Variants in COL1A2 observed in about 807,000 individuals in gnomAD.
COL1A2 encodes the protein collagen alpha-2(I) chain.
COL1A2 carries 49 observed loss-of-function variants against 174.3 expected under a neutral mutation model. The observed-to-expected ratio is 0.28, with a 90% CI of 0.22 to 0.36. The LOEUF (loss-of-function observed/expected upper bound fraction) is 0.36, where lower values mean the gene tolerates loss of function less well. Ranked by LOEUF, COL1A2 falls within the 10% of genes least tolerant of loss-of-function variation. The pLI is 1.00. For synonymous variants in COL1A2, 655 were observed against 606.6 expected (o/e 1.08, Z -1.17); for missense variants, 1,438 against 1,822.7 (o/e 0.79, Z 3.84).
intron 21 of COL1A2, 128 bp downstream of exon 21, chr7:94,410,655 T>A: frequency 1.1e-6 from 1 of 939,966 alleles, no homozygotes; most frequent in Non-Finnish European, 1.7e-6. Flanking sequence ...TCCATCTGCC[T>A]TATTAAATCA....
At position 94,427,834 on chromosome 7, in the gene COL1A2, C is replaced by A. The variant is rs1792314464; in HGVS notation, c.3475C>A (p.Pro1159Thr). 1 of 1,614,024 alleles carries A rather than the reference C, an allele frequency of 6.2e-7. No homozygotes were observed. Among genetic ancestry groups the A allele is most frequent in the Non-Finnish European group, 8.5e-7 (1 of 1,180,024 alleles). Residue 1159 changes from proline (P) to threonine (T), a missense_variant, in exon 49 of 52, where the codon CCA becomes ACA. Physicochemically the swap from Pro to Thr is conservative, Grantham distance 38. Transcript: ENST00000297268. ...TACTCCTGAAGGCTCTAGAAAGAAC[C>A]CAGCTCGCACATGCCGTGACTTGAG... The part of the protein sequence containing the change: ...LLTPEGSRKN[P>T]ARTCRDLRLS...
intron 38 of COL1A2, 70 bp from the exon 39 acceptor site, chr7:94,421,829 G>A: frequency 6.6e-7 from 1 of 1,513,520 alleles, no homozygotes; most frequent in South Asian, 1.1e-5. Flanking sequence ...CCAAAACAAA[G>A]AAATTCCCAT....
chr7:94,407,361 T>TACTACTACTACC (rs1326239188), intron 12 of COL1A2, among the ~76,000 whole-genome samples: 160 of 152,116 alleles, frequency 1.1e-3, no homozygotes, highest in African/African-American at 3.7e-3. Context: ...CTACTACTAC[T>TACTACTACTACC]ACCCTGGTTT....
At chr7:94,422,915 G>A (rs1297354270) in intron 39 of COL1A2, 42 bp from the exon 40 acceptor site, 2 of 1,612,384 alleles carry the variant, frequency 1.2e-6, no homozygotes, top group African/African-American at 1.3e-5. Context: ...CAGGCCCTTG[G>A]TGATTAACAG....
chr7:94,402,807 T>C (rs1791713894), intron 6 of COL1A2, among the ~76,000 whole-genome samples: 1 of 152,156 alleles, frequency 6.6e-6, no homozygotes, highest in South Asian at 2.1e-4. Context: ...GTGCACTTAG[T>C]GCTCTATCTT....
intron 1 of COL1A2, among the ~76,000 whole-genome samples, chr7:94,396,268 A>AACTTTTTGTTC (rs1178296007): frequency 1.3e-5 from 2 of 152,022 alleles, no homozygotes; most frequent in Non-Finnish European, 2.9e-5. Flanking sequence ...TTCCACCCAC[A>AACTTTTTGTTC]CAGCACGGTG....
chr7:94,398,667 T>C (rs1013554957), intron 3 of COL1A2, among the ~76,000 whole-genome samples: 14 of 152,040 alleles, frequency 9.2e-5, no homozygotes, highest in African/African-American at 3.4e-4. Context: ...ATTCTGGAGA[T>C]GGAAGGCATA....
chr7:94,410,608 C>T, intron 21 of COL1A2, 81 bp downstream of exon 21: 1 of 1,242,766 alleles, frequency 8.0e-7, no homozygotes, highest in South Asian at 1.3e-5. Context: ...GTCAAAATTA[C>T]TGACTGTGTT....
At position 94,420,581 on chromosome 7, in the gene COL1A2, C is replaced by G. The variant is rs408535; in HGVS notation, c.2228C>G (p.Ala743Gly). 6.2e-7 allele frequency: 1 copy of G among 1,613,616 alleles called. No homozygotes were observed. The highest frequency in any genetic ancestry group is 2.2e-5 in the East Asian group (1 of 44,850). The change falls in exon 37 of 52, where the codon GCC becomes GGC. Residue 743 changes from alanine (A) to glycine (G), a missense_variant. Physicochemically the swap from Ala to Gly is moderately conservative, Grantham distance 60. Around this residue, in one of 3 missense-constraint regions of COL1A2, gnomAD observed 867 missense variants for 1,213.7 expected, o/e 0.71. Coordinates refer to ENST00000297268, the MANE Select transcript of COL1A2 (RefSeq NM_000089.4). ...CCTGGTGCTAAAGGAGAAAGAGGAG[C>G]CAAAGGGCCTAAGGGTGAAAACGGT... ...GQPGAKGERG[A>G]KGPKGENGVV...
At chr7:94,419,412 T>C in intron 33 of COL1A2, 86 bp from the exon 34 acceptor site, 2 of 1,464,620 alleles carry the variant, frequency 1.4e-6, no homozygotes, top group Middle Eastern at 1.7e-4. Context: ...TCAGTCACTG[T>C]ATAAGCACAG....
At chr7:94,401,967 T>G (rs1791698597) in intron 6 of COL1A2, among the ~76,000 whole-genome samples, 1 of 152,164 alleles carries the variant, frequency 6.6e-6, no homozygotes, top group Non-Finnish European at 1.5e-5. Context: ...CTGATTAATT[T>G]TTTAATATTC....
intron 45 of COL1A2, 87 bp downstream of exon 45, chr7:94,426,138 C>A: frequency 8.0e-7 from 1 of 1,247,656 alleles, no homozygotes; most frequent in Non-Finnish European, 1.2e-6. Context: ...AACAATATAT[C>A]AGCTAGACTT....
At position 94,412,761 on chromosome 7, in the gene COL1A2, G is replaced by C. The variant is rs1401734173; in HGVS notation, c.1503+79G>C. The C allele has an allele frequency of 4.9e-6, 6 of 1,222,080 alleles. No individual in the cohort carries two copies. The African/African-American group carries it at 7.4e-5, about 15-fold the overall frequency. The allele number at this position is 1,222,080 out of a possible 1,614,324, so 75.7% of individuals were successfully genotyped here. A position where few individuals can be genotyped will look rare whatever the true frequency, so the allele number is the denominator to read the frequency against. On this transcript the variant is annotated intron_variant, in intron 25 of 51. Coordinates refer to ENST00000297268, the MANE Select transcript of COL1A2 (RefSeq NM_000089.4). ...CCAAACTCTAGTATTTATCTCCTGC[G>C]AATCAGTCCAGTCTCAGGGAGTTTC...
chr7:94,405,275 A>C (rs1482020262), intron 10 of COL1A2, 23 bp downstream of exon 10: 1 of 1,611,522 alleles, frequency 6.2e-7, no homozygotes, highest in Admixed American at 1.7e-5. Flanking sequence ...ACATTGGTAG[A>C]TAGCACAAAC....
At chr7:94,404,472 C>A (rs1791752521) in intron 6 of COL1A2, 84 bp from the exon 7 acceptor site, 14 of 1,416,096 alleles carry the variant, frequency 9.9e-6, no homozygotes, top group Non-Finnish European at 1.4e-5. Flanking sequence ...AACAATGGCA[C>A]TGCTAAGTTG....
chr7:94,415,383 A>G (rs778986409), intron 30 of COL1A2, 113 bp downstream of exon 30: 1 of 920,264 alleles, frequency 1.1e-6, no homozygotes. Context: ...ATGCTCTTCT[A>G]TAGTCAAATG....
intron 28 of COL1A2, 81 bp from the exon 29 acceptor site, chr7:94,414,141 C>T: frequency 1.4e-6 from 2 of 1,469,910 alleles, no homozygotes; most frequent in Non-Finnish European, 1.9e-6. Context: ...TATTTGGTAG[C>T]CACCACCCCC....
At chr7:94,416,647 C>T (rs185322887) in intron 31 of COL1A2, 144 bp downstream of exon 31, 20 of 673,262 alleles carry the variant, frequency 3.0e-5, no homozygotes, top group Admixed American at 1.9e-4. Flanking sequence ...AACAGCAATC[C>T]GATTCCAGTG....
Position 94,411,978 on chromosome 7 carries a change from A to G in COL1A2, c.1351-90A>G, listed in dbSNP as rs73718488. ...TAGGCAACAAACAAAAAGTCGGGGG[A>G]AAAGGTGCCTTTGTTAGACTTCAGT... is the stretch of plus-strand genomic sequence containing the variant. On this transcript the variant is annotated intron_variant, in intron 23 of 51. Coordinates refer to ENST00000297268, the MANE Select transcript of COL1A2 (RefSeq NM_000089.4). The G allele has an allele frequency of 2.8e-4, 297 of 1,067,856 alleles. 1 individual carries two copies. The African/African-American group carries it at 3.8e-3, about 14-fold the overall frequency. 66.1% of individuals were successfully genotyped at this position (1,067,856 alleles called of 1,614,324 possible). A position where few individuals can be genotyped will look rare whatever the true frequency, so the allele number is the denominator to read the frequency against.
Sources: allele counts gnomAD v4.1 joint callset (sites outside exome capture counted in the v4.1 genomes callset), GRCh38; gene constraint gnomAD v4.1.1; regional missense constraint gnomAD v4.1.1; transcripts MANE v1.5; gene names NCBI Gene and HGNC (gene_info 2026-07-23, HGNC 2026-07-21).